Variants in FBXO4 observed in about 807,000 individuals in gnomAD.
The protein encoded by FBXO4 is F-box protein 4, also known as F-box only protein 4.
Under a neutral mutation model 43.7 loss-of-function variants are expected in FBXO4, and 36 were observed. The ratio of observed to expected loss-of-function variants is 0.82; its 90% CI spans 0.63 to 1.09. The LOEUF is 1.09. FBXO4 is among the 50% of genes least tolerant of loss of function. FBXO4 has a pLI of 0.00. For missense variants in FBXO4, 435 were observed against 474.1 expected (o/e 0.92, Z 0.77); for synonymous variants, 180 against 165.6 (o/e 1.09, Z -0.67).
the FBXO4 span, among the ~76,000 whole-genome samples, chr5:41,950,312 T>C: frequency 2.0e-5 from 3 of 151,958 alleles, no homozygotes; most frequent in Non-Finnish European, 4.4e-5. Flanking sequence ...TTGCAATCTA[T>C]TCATCTGACA....
chr5:41,954,646 C>T, the FBXO4 span, among the ~76,000 whole-genome samples: 13 of 152,256 alleles, frequency 8.5e-5, no homozygotes, highest in South Asian at 4.1e-4. Flanking sequence ...GTAAATTACT[C>T]GTGTTGCCTT....
At chr5:42,011,483 T>C in the FBXO4 span, among the ~76,000 whole-genome samples, 2 of 152,244 alleles carry the variant, frequency 1.3e-5, no homozygotes, top group African/African-American at 4.8e-5. Context: ...ATCTTTTCTT[T>C]ATAAAATACC....
chr5:42,004,602 T>G, the FBXO4 span, among the ~76,000 whole-genome samples: 1 of 152,188 alleles, frequency 6.6e-6, no homozygotes, highest in Non-Finnish European at 1.5e-5. Context: ...GTTGGTCACT[T>G]GTGCAGATTC....
chr5:41,974,247 G>A, the FBXO4 span, among the ~76,000 whole-genome samples: 1 of 152,026 alleles, frequency 6.6e-6, no homozygotes, highest in African/African-American at 2.4e-5. Context: ...TTGAAACTGT[G>A]GTTTGGTGTC....
intron 3 of FBXO4, chr5:41,930,304 T>TA (rs34162593): frequency 0.76 from 118,525 of 156,754 alleles, 45,298 homozygotes; most frequent in African/African-American, 0.78. Context: ...CTCTTTCTAT[T>TA]AAAAAAAATG....
chr5:41,970,604 T>C, the FBXO4 span, among the ~76,000 whole-genome samples: 1 of 151,890 alleles, frequency 6.6e-6, no homozygotes. Flanking sequence ...GATTAGTTTT[T>C]AACCACAAGG....
At chr5:41,984,138 T>A in the FBXO4 span, among the ~76,000 whole-genome samples, 16 of 152,190 alleles carry the variant, frequency 1.1e-4, no homozygotes, top group Non-Finnish European at 1.9e-4. Flanking sequence ...ACTATTCATT[T>A]TAATTAGCAA....
chr5:41,953,619 T>G, the FBXO4 span, among the ~76,000 whole-genome samples: 1 of 150,982 alleles, frequency 6.6e-6, no homozygotes, highest in Non-Finnish European at 1.5e-5. Context: ...ACCAACAGTG[T>G]AAAAGTGTTC....
At chr5:42,003,181 CAAT>C in the FBXO4 span, among the ~76,000 whole-genome samples, 1 of 152,158 alleles carries the variant, frequency 6.6e-6, no homozygotes, top group Non-Finnish European at 1.5e-5. Flanking sequence ...GCAACTCAGA[CAAT>C]AATAGAATTA....
chr5:41,933,520 C>A (rs573067574), intron 3 of FBXO4, among the ~76,000 whole-genome samples: 11 of 152,090 alleles, frequency 7.2e-5, no homozygotes, highest in Admixed American at 1.3e-4. Flanking sequence ...GCCTGCCCCC[C>A]CCATCAATTT....
chr5:41,989,480 A>G, the FBXO4 span, among the ~76,000 whole-genome samples: 2 of 152,170 alleles, frequency 1.3e-5, no homozygotes, highest in African/African-American at 2.4e-5. Context: ...AAAAGCATTC[A>G]GTTGCAAAGT....
At chr5:41,974,629 T>C in the FBXO4 span, among the ~76,000 whole-genome samples, 1 of 152,182 alleles carries the variant, frequency 6.6e-6, no homozygotes, top group Non-Finnish European at 1.5e-5. Flanking sequence ...TTTTTTTCCA[T>C]CCTTCTGCTG....
At chr5:41,973,321 TC>T in the FBXO4 span, among the ~76,000 whole-genome samples, 1 of 152,106 alleles carries the variant, frequency 6.6e-6, no homozygotes, top group Non-Finnish European at 1.5e-5. Flanking sequence ...TTTAAAATGT[TC>T]CTCCTTACTA....
chr5:41,931,432 A>G (rs1166173228), intron 3 of FBXO4, among the ~76,000 whole-genome samples: 1 of 152,246 alleles, frequency 6.6e-6, no homozygotes, highest in African/African-American at 2.4e-5. Context: ...AGGGGCAGGT[A>G]ACAGTAAGAT....
chr5:42,038,790 C>A, the FBXO4 span, among the ~76,000 whole-genome samples: 2 of 152,060 alleles, frequency 1.3e-5, no homozygotes, highest in East Asian at 1.9e-4. Flanking sequence ...CAGCCTCTGG[C>A]AATCATCATT....
the FBXO4 span, among the ~76,000 whole-genome samples, chr5:41,995,664 G>A: frequency 2.6e-5 from 4 of 152,168 alleles, no homozygotes; most frequent in African/African-American, 9.7e-5. Context: ...CTCTGCTGAG[G>A]TCACCCATTG....
At chr5:41,986,118 G>C in the FBXO4 span, among the ~76,000 whole-genome samples, 40 of 152,114 alleles carry the variant, frequency 2.6e-4, no homozygotes, top group Admixed American at 7.9e-4. Context: ...AATAAATTTA[G>C]AAAGTATTGC....
intron 3 of FBXO4, among the ~76,000 whole-genome samples, chr5:41,931,295 A>G (rs1023966489): frequency 6.6e-6 from 1 of 152,240 alleles, no homozygotes; most frequent in African/African-American, 2.4e-5. Flanking sequence ...GTAAGGATAT[A>G]AAATTGACAG....
chr5:41,927,283 A>G (rs755074323), intron 2 of FBXO4, 35 bp downstream of exon 2: 3 of 1,475,468 alleles, frequency 2.0e-6, no homozygotes, highest in East Asian at 4.6e-5. Context: ...AAAAGAAGCT[A>G]TTAAATTTTC....
Sources: allele counts gnomAD v4.1 joint callset (sites outside exome capture counted in the v4.1 genomes callset), GRCh38; gene constraint gnomAD v4.1.1; transcripts MANE v1.5; gene names NCBI Gene and HGNC (gene_info 2026-07-23, HGNC 2026-07-21).